Variants in TSNARE1 observed in about 807,000 individuals in gnomAD.
The protein encoded by TSNARE1 is t-SNARE domain containing 1, also known as t-SNARE domain-containing protein 1.
A neutral mutation model predicts 62.0 loss-of-function variants in TSNARE1; 49 were observed. The ratio of observed to expected loss-of-function variants is 0.79; its 90% CI spans 0.63 to 1.00. The LOEUF is 1.00. Among genes scored for constraint, TSNARE1 ranks in the 50% least tolerant of loss-of-function variants. The pLI is 0.00. For synonymous variants in TSNARE1, 328 were observed against 294.4 expected, an observed-to-expected ratio of 1.11 and a Z score of -1.17; for missense variants, 755 against 700.1, an observed-to-expected ratio of 1.08 and a Z score of -0.88.
intron 1 of TSNARE1, among the ~76,000 whole-genome samples, chr8:142,387,573 G>A (rs1012464365): frequency 3.3e-5 from 5 of 151,496 alleles, no homozygotes; most frequent in African/African-American, 1.2e-4. Flanking sequence ...GGAAATAACC[G>A]CAGAAACCAA....
chr8:142,253,100 G>A (rs933048564), intron 12 of TSNARE1, among the ~76,000 whole-genome samples: 3 of 152,238 alleles, frequency 2.0e-5, no homozygotes, highest in Non-Finnish European at 4.4e-5. Flanking sequence ...ATCTGGGATA[G>A]AGACCGGACG....
chr8:142,303,174 C>T (rs1251335255), intron 9 of TSNARE1, among the ~76,000 whole-genome samples: 1 of 152,196 alleles, frequency 6.6e-6, no homozygotes, highest in Non-Finnish European at 1.5e-5. Context: ...ATCTTCTGCC[C>T]TTTCCCAAAC....
At chr8:142,271,305 G>A in intron 12 of TSNARE1, 2 of 1,107,756 alleles carry the variant, frequency 1.8e-6, no homozygotes, top group Non-Finnish European at 2.2e-6. Context: ...GCCAGACGCT[G>A]GCTCTGCTCG....
intron 1 of TSNARE1, among the ~76,000 whole-genome samples, chr8:142,364,739 T>C (rs1835411610): frequency 6.6e-6 from 1 of 152,216 alleles, no homozygotes. Context: ...AGGCTGTCCC[T>C]GGCCAAATCT....
chr8:142,261,062 C>G (rs1818853505), intron 12 of TSNARE1, among the ~76,000 whole-genome samples: 2 of 11,920 alleles, frequency 1.7e-4, no homozygotes, highest in Non-Finnish European at 3.6e-4. Context: ...AAGAGGGAAG[C>G]AGGAGGGAGG....
At chr8:142,240,216 A>G (rs1385634881) in intron 12 of TSNARE1, among the ~76,000 whole-genome samples, 1 of 152,280 alleles carries the variant, frequency 6.6e-6, no homozygotes, top group Non-Finnish European at 1.5e-5. Context: ...AGAGCAGACA[A>G]CATGGATTTA....
At chr8:142,369,668 C>T (rs1217375038) in intron 1 of TSNARE1, among the ~76,000 whole-genome samples, 4 of 152,164 alleles carry the variant, frequency 2.6e-5, no homozygotes, top group Non-Finnish European at 5.9e-5. Flanking sequence ...GAAATGCCAA[C>T]AATTAGAAAC....
rs1820135536 is a variant in TSNARE1, at chr8:142,274,642, G to T, written c.1446+139C>A. The T allele has an allele frequency of 3.0e-6, 4 of 1,347,106 alleles. No homozygotes were observed. The East Asian group carries it at 1.2e-4, about 42-fold the overall frequency. 83.4% of individuals were successfully genotyped at this position (1,347,106 alleles called of 1,614,324 possible). A position where few individuals can be genotyped will look rare whatever the true frequency, so the allele number is the denominator to read the frequency against. ...AGCCCTAGGGCACGGGCAGCAGACT[G>T]GTTCAGAGGAGGCCTGTGGGCATGC... On this transcript the variant is annotated intron_variant, in intron 12 of 13. Transcript: ENST00000524325.
At chr8:142,215,143 T>C (rs894399108) in intron 13 of TSNARE1, among the ~76,000 whole-genome samples, 2 of 152,178 alleles carry the variant, frequency 1.3e-5, no homozygotes, top group Non-Finnish European at 2.9e-5. Flanking sequence ...ACGGACACCA[T>C]GAATGCGTAT....
At chr8:142,258,351 C>T (rs566200044) in intron 12 of TSNARE1, among the ~76,000 whole-genome samples, 7 of 152,330 alleles carry the variant, frequency 4.6e-5, no homozygotes, top group African/African-American at 1.2e-4. Flanking sequence ...ACTGCTGCCC[C>T]GAGTGCACAC....
At chr8:142,336,222 A>C (rs1831734941) in intron 4 of TSNARE1, among the ~76,000 whole-genome samples, 2 of 145,256 alleles carry the variant, frequency 1.4e-5, no homozygotes, top group South Asian at 4.7e-4. Flanking sequence ...TCGAGGCTGC[A>C]GTGAGCCTTG....
chr8:142,335,832 G>A (rs1831679893), intron 4 of TSNARE1, among the ~76,000 whole-genome samples: 1 of 152,128 alleles, frequency 6.6e-6, no homozygotes, highest in Admixed American at 6.5e-5. Flanking sequence ...TCCTGCACTA[G>A]CCACATTTCA....
At chr8:142,305,856 G>A (rs972717963) in intron 9 of TSNARE1, among the ~76,000 whole-genome samples, 5 of 152,316 alleles carry the variant, frequency 3.3e-5, no homozygotes, top group South Asian at 2.1e-4. Context: ...GTTCCGACAC[G>A]TAGGGAAGAG....
chr8:142,262,143 C>G (rs940749311), intron 12 of TSNARE1, among the ~76,000 whole-genome samples: 2 of 152,250 alleles, frequency 1.3e-5, no homozygotes, highest in Admixed American at 1.3e-4. Flanking sequence ...AGCAGTCTCT[C>G]TACCTCGTCC....
intron 12 of TSNARE1, among the ~76,000 whole-genome samples, chr8:142,235,181 G>A (rs1466636317): frequency 1.3e-5 from 2 of 151,310 alleles, no homozygotes; most frequent in African/African-American, 4.9e-5. Flanking sequence ...AGAGAAGGAC[G>A]TGACTCACCC....
intron 13 of TSNARE1, among the ~76,000 whole-genome samples, chr8:142,215,727 AC>A (rs1815801645): frequency 6.6e-6 from 1 of 152,032 alleles, no homozygotes; most frequent in African/African-American, 2.4e-5. Context: ...CCCAGTACAC[AC>A]CTGTGAGAGG....
intron 12 of TSNARE1, chr8:142,274,236 C>T: frequency 1.0e-6 from 1 of 976,428 alleles, no homozygotes; most frequent in Non-Finnish European, 1.2e-6. Context: ...TCAGCTGGGC[C>T]ACAGTCTCCA....
intron 10 of TSNARE1, among the ~76,000 whole-genome samples, chr8:142,293,192 C>T (rs186288912): frequency 6.6e-6 from 1 of 152,360 alleles, no homozygotes; most frequent in Admixed American, 6.5e-5. Flanking sequence ...CCCCAGCTGG[C>T]AGCAGTGCAA....
intron 7 of TSNARE1, among the ~76,000 whole-genome samples, chr8:142,316,131 T>C (rs1173212107): frequency 6.8e-6 from 1 of 146,994 alleles, no homozygotes; most frequent in East Asian, 2.2e-4. Flanking sequence ...GCGTGTATTC[T>C]TGGATGAAGG....
Sources: gnomAD v4.1 joint callset for allele counts (sites outside exome capture counted in the v4.1 genomes callset) on GRCh38, gnomAD v4.1.1 for gene constraint, MANE v1.5 for transcripts, NCBI Gene and HGNC (gene_info 2026-07-23, HGNC 2026-07-21) for gene names.